Variants in KBTBD11 observed in about 807,000 individuals in gnomAD.
KBTBD11 encodes the protein kelch repeat and BTB domain containing 11.
For synonymous variants in KBTBD11, 747 were observed against 499.0 expected, an observed-to-expected ratio of 1.50 and a Z score of -6.63; for missense variants, 1,390 against 1,001.8, an observed-to-expected ratio of 1.39 and a Z score of -5.23.
At position 2,001,921 on chromosome 8, in the gene KBTBD11, C is replaced by A; in HGVS notation, c.729C>A (p.Ala243=). The change falls in exon 2 of 2, where the codon GCC becomes GCA. Residue 243 remains alanine, a synonymous_variant. Coordinates refer to ENST00000320248, the MANE Select transcript of KBTBD11 (RefSeq NM_014867.3). ...LANCYEVLSA[A]KRQRLNELRD... ...ACTGCTACGAGGTCCTGAGCGCGGC[C>A]AAGCGGCAGCGGCTGAACGAGCTGC... 1.4e-6 allele frequency: 2 copies of A among 1,461,658 alleles called. No individual in the cohort carries two copies. The highest frequency in any genetic ancestry group is 1.8e-6 in the Non-Finnish European group (2 of 1,102,308). The allele number at this position is 1,461,658 out of a possible 1,614,324, so 90.5% of individuals were successfully genotyped here. A position where few individuals can be genotyped will look rare whatever the true frequency, so the allele number is the denominator to read the frequency against.
intron 1 of KBTBD11, among the ~76,000 whole-genome samples, chr8:1,977,076 TTA>T (rs1816372188): frequency 1.4e-5 from 2 of 147,176 alleles, no homozygotes; most frequent in South Asian, 2.1e-4. Flanking sequence ...TCTTAAAACA[TTA>T]TGAGTTTTTT....
intron 1 of KBTBD11, among the ~76,000 whole-genome samples, chr8:1,984,646 T>C (rs185429929): frequency 5.3e-4 from 79 of 148,004 alleles, no homozygotes; most frequent in African/African-American, 1.8e-3. Context: ...GCTAGGTGAG[T>C]GGCCCCCTAA....
rs573147229 is a variant in KBTBD11, at chr8:2,003,394, G to T, written c.*330G>T. ...GAGGCAGCCTGCAGCCGGCCCCGGG[G>T]TGTCCCGAACCCCGCAGAGCACCGA... On this transcript the variant is annotated 3_prime_UTR_variant, in exon 2 of 2. Transcript: ENST00000320248. 1 of 252,620 alleles carries T rather than the reference G, an allele frequency of 4.0e-6. No individual in the cohort carries two copies. Among genetic ancestry groups the T allele is most frequent in the Admixed American group, 5.7e-5 (1 of 17,550 alleles). 15.6% of individuals were successfully genotyped at this position (252,620 alleles called of 1,614,324 possible). A position where few individuals can be genotyped will look rare whatever the true frequency, so the allele number is the denominator to read the frequency against.
intron 1 of KBTBD11, among the ~76,000 whole-genome samples, chr8:1,997,808 C>T (rs1008520158): frequency 1.5e-4 from 23 of 152,234 alleles, no homozygotes; most frequent in African/African-American, 5.3e-4. Context: ...CATGTTGAGA[C>T]CATCCCCTGC....
chr8:1,988,175 A>T (rs1428787920), intron 1 of KBTBD11, among the ~76,000 whole-genome samples: 3 of 152,212 alleles, frequency 2.0e-5, no homozygotes, highest in Non-Finnish European at 2.9e-5. Flanking sequence ...TATTGTGAAT[A>T]GTGCTGCTAT....
At chr8:1,989,722 C>T (rs1214444137) in intron 1 of KBTBD11, among the ~76,000 whole-genome samples, 1 of 152,188 alleles carries the variant, frequency 6.6e-6, no homozygotes, top group Non-Finnish European at 1.5e-5. Context: ...GGGCCAGACA[C>T]ACGAGTGCCC....
In KBTBD11 at chr8:2,006,412, A is replaced by G. The variant is rs972476766; in HGVS notation, c.*3348A>G. Reference sequence around the variant, plus strand: ...ATTTTAGATGCTTTCCTAGCTTACAAAAAGTTCTGTTTTTGGGTTAAAAAT... The same window carrying G: ...ATTTTAGATGCTTTCCTAGCTTACAGAAAGTTCTGTTTTTGGGTTAAAAAT... On this transcript the variant is annotated 3_prime_UTR_variant, in exon 2 of 2. Transcript: ENST00000320248. 1 of 167,004 alleles carries G rather than the reference A, an allele frequency of 6.0e-6. No homozygotes were observed. Among genetic ancestry groups the G allele is most frequent in the Non-Finnish European group, 1.5e-5 (1 of 68,136 alleles). The allele number at this position is 167,004 out of a possible 1,614,324, so 10.3% of individuals were successfully genotyped here.
chr8:1,976,781 G>C (rs772521133), intron 1 of KBTBD11, among the ~76,000 whole-genome samples: 1 of 152,238 alleles, frequency 6.6e-6, no homozygotes, highest in Non-Finnish European at 1.5e-5. Context: ...ACAGAGGAAT[G>C]TTAGGCCGAG....
At chr8:1,989,084 A>C (rs540392841) in intron 1 of KBTBD11, among the ~76,000 whole-genome samples, 1 of 152,158 alleles carries the variant, frequency 6.6e-6, no homozygotes, top group East Asian at 1.9e-4. Context: ...TGGACATTTC[A>C]GGAGAGTCTT....
chr8:1,991,980 G>T (rs542415107), intron 1 of KBTBD11, among the ~76,000 whole-genome samples: 2 of 152,098 alleles, frequency 1.3e-5, no homozygotes. Flanking sequence ...CGTCATGCAC[G>T]AGGAAGTGCC....
At chr8:1,984,819 T>C (rs963873596) in intron 1 of KBTBD11, among the ~76,000 whole-genome samples, 1 of 152,118 alleles carries the variant, frequency 6.6e-6, no homozygotes, top group African/African-American at 2.4e-5. Context: ...CAGCCGATCA[T>C]TGGAAATGAA....
Position 1,997,018 on chromosome 8 carries a change from C to CG in KBTBD11, c.-908-3266dup, listed in dbSNP as rs545252524. On this transcript the variant is annotated intron_variant, in intron 1 of 1. Transcript: ENST00000320248. Reference sequence around the variant, plus strand: ...CTCCCTGTCTCCCCCGCGCGCCCCCCGTGCCTTCCATGGAAACTGCAGTGC... The same window carrying CG: ...CTCCCTGTCTCCCCCGCGCGCCCCCCGGTGCCTTCCATGGAAACTGCAGTGC... Among the ~76,000 whole-genome samples, 272 of 152,298 alleles carry CG rather than the reference C, an allele frequency of 1.8e-3. 2 individuals are homozygous for CG. Among genetic ancestry groups the CG allele is most frequent in the African/African-American group, 6.4e-3 (268 of 41,562 alleles).
intron 1 of KBTBD11, among the ~76,000 whole-genome samples, chr8:1,983,955 C>T (rs1169675441): frequency 6.6e-6 from 1 of 152,138 alleles, no homozygotes; most frequent in Non-Finnish European, 1.5e-5. Context: ...CAAGGTGAAG[C>T]TCCGTCTCTA....
intron 1 of KBTBD11, chr8:1,974,444 C>T (rs1367495030): frequency 2.0e-6 from 2 of 984,198 alleles, no homozygotes; most frequent in African/African-American, 3.5e-5. Flanking sequence ...CTCCGCTTGG[C>T]TCTCGGCGGT....
At chr8:1,999,764 C>G (rs1451385446) in intron 1 of KBTBD11, among the ~76,000 whole-genome samples, 2 of 152,186 alleles carry the variant, frequency 1.3e-5, no homozygotes, top group Non-Finnish European at 2.9e-5. Flanking sequence ...TCCAGAGAAG[C>G]ATCCTAACGC....
Position 2,001,516 on chromosome 8 carries a change from CG to C in KBTBD11, c.325del (p.Glu109AsnfsTer71). On this transcript the variant is annotated frameshift_variant, in exon 2 of 2. Coordinates refer to ENST00000320248, the MANE Select transcript of KBTBD11 (RefSeq NM_014867.3). LOFTEE classifies it low-confidence loss of function (END_TRUNC). ...CPEEPAAPSP[E>X]PRVWLEDPAS... ...CGGAAGAGCCCGCGGCGCCGTCCCC[CG>C]AACCGCGCGTTTGGCTTGAGGACCC... 7.1e-7 allele frequency: 1 copy of C among 1,415,442 alleles called. No individual in the cohort carries two copies. Among genetic ancestry groups the C allele is most frequent in the Non-Finnish European group, 9.2e-7 (1 of 1,089,984 alleles). The allele number at this position is 1,415,442 out of a possible 1,614,324, so 87.7% of individuals were successfully genotyped here.
At chr8:1,974,446 C>T (rs1251315204) in intron 1 of KBTBD11, 3 of 984,304 alleles carry the variant, frequency 3.0e-6, no homozygotes, top group Non-Finnish European at 3.6e-6. Flanking sequence ...CCGCTTGGCT[C>T]TCGGCGGTCG....
chr8:1,992,994 G>C (rs561962947), intron 1 of KBTBD11, among the ~76,000 whole-genome samples: 2 of 152,198 alleles, frequency 1.3e-5, no homozygotes, highest in African/African-American at 4.8e-5. Flanking sequence ...CTGGAATGTA[G>C]TGGCATGATC....
chr8:2,003,344 G>C lies in KBTBD11; in HGVS notation c.*280G>C, dbSNP rs993901795. On this transcript the variant is annotated 3_prime_UTR_variant, in exon 2 of 2. Coordinates refer to ENST00000320248, the MANE Select transcript of KBTBD11 (RefSeq NM_014867.3). ...GAAGGCTGTGGGATCCAAAGGGTCA[G>C]CCTCAGGGTACAGTGGGGGTTCCTG... 2 of 355,742 alleles carry C rather than the reference G, an allele frequency of 5.6e-6. No homozygotes were observed. Among genetic ancestry groups the C allele is most frequent in the African/African-American group, 4.3e-5 (2 of 46,816 alleles). The allele number at this position is 355,742 out of a possible 1,614,324, so 22.0% of individuals were successfully genotyped here. A position where few individuals can be genotyped will look rare whatever the true frequency, so the allele number is the denominator to read the frequency against.
Sources: gnomAD v4.1 joint callset for allele counts (sites outside exome capture counted in the v4.1 genomes callset) on GRCh38, gnomAD v4.1.1 for gene constraint, MANE v1.5 for transcripts, NCBI Gene and HGNC (gene_info 2026-07-23, HGNC 2026-07-21) for gene names.